The following SEC14L3 variants were observed in gnomAD, a reference collection of about 807,000 sequenced individuals.
SEC14L3 encodes SEC14-like protein 3.
A neutral mutation model predicts 57.4 loss-of-function variants in SEC14L3; 56 were observed. That is an observed-to-expected ratio of 0.97 (90% CI 0.79 to 1.22). The LOEUF is 1.22. Among genes scored for constraint, SEC14L3 ranks in the 50% most tolerant of loss-of-function variants. The pLI is 0.00. For synonymous variants in SEC14L3, 173 were observed against 194.4 expected (o/e 0.89, Z 0.92); for missense variants, 485 against 511.7 (o/e 0.95, Z 0.50).
intron 9 of SEC14L3, 44 bp from the exon 10 acceptor site, chr22:30,461,738 A>G: frequency 1.3e-6 from 2 of 1,581,922 alleles, no homozygotes; most frequent in Non-Finnish European, 1.7e-6. Context: ...TCTCCTGGCC[A>G]TTGTTCATGT....
downstream of SEC14L3, among the ~76,000 whole-genome samples, chr22:30,456,734 C>T (rs1320449495): frequency 6.6e-6 from 1 of 152,196 alleles, no homozygotes; most frequent in East Asian, 1.9e-4. Flanking sequence ...TTGGCCAAAG[C>T]TACAAAGTGG....
At chr22:30,455,922 G>T (rs374626979), downstream of SEC14L3, among the ~76,000 whole-genome samples, 6 of 152,186 alleles carry the variant, frequency 3.9e-5, no homozygotes, top group African/African-American at 1.4e-4. Flanking sequence ...TCACACAATG[G>T]GGGGCCTGCA....
Position 30,462,172 on chromosome 22 carries a change from G to A in SEC14L3, c.685C>T (p.Leu229=). 1 of 1,613,672 alleles carries A rather than the reference G, an allele frequency of 6.2e-7. No homozygotes were observed. The highest frequency in any genetic ancestry group is 8.5e-7 in the Non-Finnish European group (1 of 1,179,808). The change falls in exon 9 of 12, where the codon CTG becomes TTG. Residue 229 remains leucine, a synonymous_variant. Coordinates refer to ENST00000215812, the MANE Select transcript of SEC14L3 (RefSeq NM_174975.5). ...VLGNNWKEGL[L]KLISPEELPA... is the part of the protein sequence containing the mutation. ...AGTTCCTCAGGACTGATGAGTTTCAGCAAACCTTCCTTCCAGTTATCTGGG... is the reference window on the plus strand; with the variant it reads ...AGTTCCTCAGGACTGATGAGTTTCAACAAACCTTCCTTCCAGTTATCTGGG...
chr22:30,455,089 T>A (rs1288088359), downstream of SEC14L3, among the ~76,000 whole-genome samples: 3 of 71,516 alleles, frequency 4.2e-5, no homozygotes, highest in East Asian at 4.7e-4. Flanking sequence ...ATTAAATATT[T>A]AATATATAAT....
chr22:30,453,733 A>G (rs1381438349), intron 12 of SEC14L3, among the ~76,000 whole-genome samples: 1 of 152,182 alleles, frequency 6.6e-6, no homozygotes, highest in Non-Finnish European at 1.5e-5. Context: ...TTAGCAGCTG[A>G]ACACAGGCCT....
rs80196342 is a variant in SEC14L3, at chr22:30,471,878, C to T, written c.54+27G>A. 3,473 of 1,613,344 alleles carry T rather than the reference C, an allele frequency of 2.2e-3. 66 individuals carry two copies. In the African/African-American group the frequency reaches 0.039, roughly 18 times the overall value. On this transcript the variant is annotated intron_variant, in intron 1 of 11. Transcript: ENST00000215812. Reference sequence around the variant, plus strand: ...CCCCAGCCCCTTTCCCCTGGTCTTCCGGAACTCCAGGGGGAGGGGCTCTCA... The same window carrying T: ...CCCCAGCCCCTTTCCCCTGGTCTTCTGGAACTCCAGGGGGAGGGGCTCTCA...
intron 9 of SEC14L3, 125 bp downstream of exon 9, chr22:30,461,959 GTA>G (rs1935281684): frequency 9.0e-7 from 1 of 1,107,276 alleles, no homozygotes; most frequent in African/African-American, 1.5e-5. Flanking sequence ...GGCGAGGGTT[GTA>G]TTGACTAGCT....
downstream of SEC14L3, among the ~76,000 whole-genome samples, chr22:30,454,587 T>TATAATCTATAATAA (rs1569225017): frequency 1.1e-4 from 8 of 72,714 alleles, no homozygotes; most frequent in African/African-American, 6.5e-4. Context: ...TATAATAATA[T>TATAATCTATAATAA]TATTATATAT....
Position 30,466,325 on chromosome 22 carries a change from G to A in SEC14L3, c.580+9C>T. ...GAGGCACAAGTAAGTGAAGTCATTTGTCACATACCTTTCACGATGAGCATG... is the reference window on the plus strand; with the variant it reads ...GAGGCACAAGTAAGTGAAGTCATTTATCACATACCTTTCACGATGAGCATG... On this transcript the variant is annotated intron_variant, in intron 7 of 11. Transcript: ENST00000215812. The A allele has an allele frequency of 6.2e-7, 1 of 1,612,384 alleles. No homozygotes were observed. Among genetic ancestry groups the A allele is most frequent in the Non-Finnish European group, 8.5e-7 (1 of 1,178,488 alleles).
At position 30,471,997 on chromosome 22, in the gene SEC14L3, G is replaced by A. The variant is rs377529532; in HGVS notation, c.-39C>T. ...GCTTGAGGAGTGGTGGCCACTATAGGCAAGAGGCCAAGCCTAGTTTGTCAG... is the reference window on the plus strand; with the variant it reads ...GCTTGAGGAGTGGTGGCCACTATAGACAAGAGGCCAAGCCTAGTTTGTCAG... On this transcript the variant is annotated 5_prime_UTR_variant, in exon 1 of 12. Transcript: ENST00000215812. 8.4e-6 allele frequency: 13 copies of A among 1,555,544 alleles called. No homozygotes were observed. Among genetic ancestry groups the A allele is most frequent in the African/African-American group, 1.4e-5 (1 of 71,928 alleles).
chr22:30,454,835 A>T (rs1380214581), downstream of SEC14L3, among the ~76,000 whole-genome samples: 6 of 10,390 alleles, frequency 5.8e-4, no homozygotes, highest in African/African-American at 4.0e-3. Context: ...TATAATATAT[A>T]ATAATATATA....
rs1390429787 is a variant in SEC14L3 at position 30,459,998 on chromosome 22, T to C, written c.*23A>G. On this transcript the variant is annotated 3_prime_UTR_variant, in exon 12 of 12. Coordinates refer to ENST00000215812, the MANE Select transcript of SEC14L3 (RefSeq NM_174975.5). Reference sequence around the variant, plus strand: ...ACAGAGAAATCAAAGGGTTAGGAGGTCTCTGAGAAATGAGGGAGCCACCTA... The same window carrying C: ...ACAGAGAAATCAAAGGGTTAGGAGGCCTCTGAGAAATGAGGGAGCCACCTA... 1.9e-6 allele frequency: 3 copies of C among 1,612,152 alleles called. No individual in the cohort carries two copies. The highest frequency in any genetic ancestry group is 2.5e-6 in the Non-Finnish European group (3 of 1,178,946).
At chr22:30,469,974 T>G in intron 4 of SEC14L3, 45 bp downstream of exon 4, 1 of 1,419,330 alleles carries the variant, frequency 7.0e-7, no homozygotes, top group South Asian at 1.4e-5. Flanking sequence ...TGACCTTGAG[T>G]GGTACGTCCG....
At chr22:30,452,184 G>A (rs530664626) in intron 12 of SEC14L3, among the ~76,000 whole-genome samples, 3 of 150,872 alleles carry the variant, frequency 2.0e-5, no homozygotes, top group Admixed American at 6.6e-5. Flanking sequence ...TTGCACATGC[G>A]ATCCATGAGG....
chr22:30,450,085 C>T (rs952160215), intron 12 of SEC14L3, among the ~76,000 whole-genome samples: 28 of 152,224 alleles, frequency 1.8e-4, no homozygotes, highest in African/African-American at 6.0e-4. Context: ...ACTGCCCTTT[C>T]TGGTCTCAGC....
rs775445279 is a variant in SEC14L3, at chr22:30,449,081, CA to C, written c.*5del. 3 of 1,550,522 alleles carry C rather than the reference CA, an allele frequency of 1.9e-6. No individual in the cohort carries two copies. The South Asian group carries it at 3.6e-5, about 18-fold the overall frequency. On this transcript the variant is annotated 3_prime_UTR_variant, in exon 13 of 13. Coordinates refer to the SEC14L3 transcript ENST00000403066. Reference sequence around the variant, plus strand: ...CACACAGGCCAGTTACTCACACAGACAAAAATTAGTTACTGGCAGGGAGGGG... The same window carrying C: ...CACACAGGCCAGTTACTCACACAGACAAAATTAGTTACTGGCAGGGAGGGG...
rs746038278 is a variant in SEC14L3, at chr22:30,467,025, C to A, written c.476G>T (p.Gly159Val). ...IVMIFDCEGL[G>V]LKHFWKPLVE... ...CAGAGGTTTCCAGAAGTGTTTCAGTCCCAGGCCCTCACAGTCAAATATCAT... is the reference window on the plus strand; with the variant it reads ...CAGAGGTTTCCAGAAGTGTTTCAGTACCAGGCCCTCACAGTCAAATATCAT... The change falls in exon 6 of 12, where the codon GGA (glycine) becomes GTA (valine). Residue 159 changes from glycine (G) to valine (V), a missense_variant. Physicochemically the swap from Gly to Val is moderately radical, Grantham distance 109. Coordinates refer to ENST00000215812, the MANE Select transcript of SEC14L3 (RefSeq NM_174975.5). The A allele has an allele frequency of 8.7e-6, 14 of 1,614,052 alleles. No homozygotes were observed. The highest frequency in any genetic ancestry group is 1.2e-5 in the Non-Finnish European group (14 of 1,179,990).
chr22:30,450,727 C>T (rs1182564573), intron 12 of SEC14L3, among the ~76,000 whole-genome samples: 3 of 152,176 alleles, frequency 2.0e-5, no homozygotes, highest in African/African-American at 7.2e-5. Flanking sequence ...CTGTGTGAGC[C>T]CTGCTGGCTC....
At chr22:30,448,894 A>G (rs1934928447) in exon 13 of SEC14L3, 1 of 580,376 alleles carries the variant, frequency 1.7e-6, no homozygotes, top group Non-Finnish European at 3.0e-6. Flanking sequence ...CCTGTCTCTA[A>G]AAAACAAACA....
Sources: gnomAD v4.1 joint callset for allele counts (sites outside exome capture counted in the v4.1 genomes callset) on GRCh38, gnomAD v4.1.1 for gene constraint, MANE v1.5 for transcripts, NCBI Gene and HGNC (gene_info 2026-07-23, HGNC 2026-07-21) for gene names.